PIK3R1: variants seen among roughly 807,000 people sequenced by gnomAD.
The protein encoded by PIK3R1 is phosphoinositide-3-kinase regulatory subunit 1.
A neutral mutation model predicts 98.0 loss-of-function variants in PIK3R1; 29 were observed. The observed-to-expected ratio is 0.30, with a 90% CI of 0.22 to 0.40. PIK3R1 has a LOEUF of 0.40. PIK3R1 is among the 10% of genes least tolerant of loss of function. The pLI is 1.00. For missense variants in PIK3R1, 596 were observed against 872.7 expected (o/e 0.68, Z 3.99); for synonymous variants, 282 against 311.8 (o/e 0.90, Z 1.01).
rs560646760 is a variant in PIK3R1 at position 68,237,036 on chromosome 5, A to G, written c.334+10027A>G. On this transcript the variant is annotated intron_variant, in intron 2 of 15. Transcript: ENST00000521381. ...TTACCTTCGTTTCTGTTGTTTTTGA[A>G]GAAGTTAAATGTCTGCTTTAAATGT... Among the ~76,000 whole-genome samples, 10 of 152,372 alleles carry G rather than the reference A, an allele frequency of 6.6e-5. No individual in the cohort carries two copies. In the East Asian group the frequency reaches 1.5e-3, roughly 23 times the overall value.
At position 68,234,673 on chromosome 5, in the gene PIK3R1, C is replaced by T. The variant is rs544155548; in HGVS notation, c.334+7664C>T. Among the ~76,000 whole-genome samples, 3 of 152,210 alleles carry T rather than the reference C, an allele frequency of 2.0e-5. No homozygotes were observed. The South Asian group carries it at 6.2e-4, about 32-fold the overall frequency. Reference sequence around the variant, plus strand: ...TGTGCAGTAGCGCTAAACTCGTTGACATGATCTGTACTGAGAGTTCCTACA... The same window carrying T: ...TGTGCAGTAGCGCTAAACTCGTTGATATGATCTGTACTGAGAGTTCCTACA... On this transcript the variant is annotated intron_variant, in intron 2 of 15. Transcript: ENST00000521381.
chr5:68,225,454 A>G (rs1354259796), intron 1 of PIK3R1, among the ~76,000 whole-genome samples: 1 of 152,098 alleles, frequency 6.6e-6, no homozygotes, highest in East Asian at 1.9e-4. Flanking sequence ...ATAGTGCTCC[A>G]AACTCTCATT....
intron 4 of PIK3R1, among the ~76,000 whole-genome samples, chr5:68,276,614 G>C (rs1746580788): frequency 6.6e-6 from 1 of 152,222 alleles, no homozygotes; most frequent in African/African-American, 2.4e-5. Context: ...ATAGCTAATG[G>C]AAGAGCACGT....
Position 68,260,735 on chromosome 5 carries a change from T to C in PIK3R1, c.335-12655T>C, listed in dbSNP as rs115997266. On this transcript the variant is annotated intron_variant, in intron 2 of 15. Transcript: ENST00000521381. ...GGCAGTGACAGTTCACCTCTCTCTCTTCATATTGCTCTCAATTTCATGATC... is the reference window on the plus strand; with the variant it reads ...GGCAGTGACAGTTCACCTCTCTCTCCTCATATTGCTCTCAATTTCATGATC... Among the ~76,000 whole-genome samples the C allele has an allele frequency of 7.2e-4, 109 of 152,290 alleles. 1 individual carries two copies. The highest frequency in any genetic ancestry group is 2.6e-3 in the African/African-American group (108 of 41,582).
chr5:68,269,441 C>G (rs895049610), intron 2 of PIK3R1, among the ~76,000 whole-genome samples: 1 of 152,176 alleles, frequency 6.6e-6, no homozygotes, highest in African/African-American at 2.4e-5. Flanking sequence ...TTGCTCCATA[C>G]CCCACCCTAT....
intron 2 of PIK3R1, among the ~76,000 whole-genome samples, chr5:68,263,354 A>G (rs1199170143): frequency 6.6e-6 from 1 of 151,068 alleles, no homozygotes; most frequent in East Asian, 1.9e-4. Context: ...ACAAATAACT[A>G]TAGTACTATT....
chr5:68,247,740 ACT>A (rs1024512306), intron 2 of PIK3R1, among the ~76,000 whole-genome samples: 3 of 151,494 alleles, frequency 2.0e-5, no homozygotes, highest in Non-Finnish European at 2.9e-5. Flanking sequence ...CATTTTTCTA[ACT>A]CTGTTGTTAG....
At chr5:68,242,027 T>G (rs1744890483) in intron 2 of PIK3R1, among the ~76,000 whole-genome samples, 1 of 152,214 alleles carries the variant, frequency 6.6e-6, no homozygotes, top group Non-Finnish European at 1.5e-5. Flanking sequence ...TTGGATAAAA[T>G]GCATCAACTT....
At chr5:68,256,696 C>T (rs761849879) in intron 2 of PIK3R1, among the ~76,000 whole-genome samples, 1 of 151,614 alleles carries the variant, frequency 6.6e-6, no homozygotes, top group Non-Finnish European at 1.5e-5. Flanking sequence ...TATGTAGTCT[C>T]ATGGATTGAG....
At chr5:68,252,868 C>G (rs1193914584) in intron 2 of PIK3R1, among the ~76,000 whole-genome samples, 2 of 152,300 alleles carry the variant, frequency 1.3e-5, no homozygotes, top group South Asian at 4.1e-4. Context: ...TGGCAATTGG[C>G]TATACGGCAT....
At position 68,300,464 on chromosome 5, in the gene PIK3R1, CTAAAGA is replaced by C. The variant is rs1747978181; in HGVS notation, c.*2869_*2874del. On this transcript the variant is annotated 3_prime_UTR_variant, in exon 16 of 16. Coordinates refer to ENST00000521381, the MANE Select transcript of PIK3R1 (RefSeq NM_181523.3). ...AGTTTTTCCCACCCAGTGTAGCATC[CTAAAGA>C]TAAAGCCAGAAGCTAAGCTGCAGTG... The C allele has an allele frequency of 4.3e-6, 1 of 233,000 alleles. No homozygotes were observed. The highest frequency in any genetic ancestry group is 2.2e-5 in the African/African-American group (1 of 45,312). 14.4% of individuals were successfully genotyped at this position (233,000 alleles called of 1,614,324 possible). A position where few individuals can be genotyped will look rare whatever the true frequency, so the allele number is the denominator to read the frequency against.
chr5:68,262,859 A>G lies in PIK3R1; in HGVS notation c.335-10531A>G, dbSNP rs541775265. 1.0e-4 allele frequency among the ~76,000 whole-genome samples: 10 copies of G among 99,572 alleles called. 2 individuals are homozygous for G. The highest frequency in any genetic ancestry group is 3.0e-4 in the East Asian group (1 of 3,300). 65.3% of individuals were successfully genotyped at this position (99,572 alleles called of 152,430 possible). A position where few individuals can be genotyped will look rare whatever the true frequency, so the allele number is the denominator to read the frequency against. Reference sequence around the variant, plus strand: ...TGTATACATGTAGATACATGTAGATACATGTATACATGTAGATACATGTAG... The same window carrying G: ...TGTATACATGTAGATACATGTAGATGCATGTATACATGTAGATACATGTAG... On this transcript the variant is annotated intron_variant, in intron 2 of 15. Transcript: ENST00000521381.
At chr5:68,275,680 T>G (rs1242643400) in intron 4 of PIK3R1, among the ~76,000 whole-genome samples, 1 of 152,086 alleles carries the variant, frequency 6.6e-6, no homozygotes, top group African/African-American at 2.4e-5. Context: ...AAAGTGAAAT[T>G]TGTGCCCCAC....
intron 1 of PIK3R1, among the ~76,000 whole-genome samples, chr5:68,221,089 C>G (rs1376443162): frequency 6.6e-6 from 1 of 152,186 alleles, no homozygotes; most frequent in Non-Finnish European, 1.5e-5. Flanking sequence ...TTGGCCCTGT[C>G]TTGCTGTCTT....
chr5:68,233,450 A>G (rs1269924531), intron 2 of PIK3R1, among the ~76,000 whole-genome samples: 4 of 152,252 alleles, frequency 2.6e-5, no homozygotes, highest in Non-Finnish European at 4.4e-5. Flanking sequence ...TAGGCTTTCA[A>G]TAGAGGAGGA....
chr5:68,274,524 C>A (rs1746494502), intron 4 of PIK3R1, among the ~76,000 whole-genome samples: 1 of 151,974 alleles, frequency 6.6e-6, no homozygotes, highest in Admixed American at 6.6e-5. Flanking sequence ...CATTAAGTAA[C>A]ATCACGATAT....
chr5:68,284,502 C>T (rs1176410236), intron 7 of PIK3R1, among the ~76,000 whole-genome samples: 1 of 152,238 alleles, frequency 6.6e-6, no homozygotes, highest in African/African-American at 2.4e-5. Context: ...GGTGCCTTTG[C>T]ACAGTGCACA....
chr5:68,262,872 TAG>T lies in PIK3R1; in HGVS notation c.335-10516_335-10515del, dbSNP rs1210459960. Among the ~76,000 whole-genome samples, 46 of 97,052 alleles carry T rather than the reference TAG, an allele frequency of 4.7e-4. 3 individuals are homozygous for T. The highest frequency in any genetic ancestry group is 7.5e-4 in the Admixed American group (8 of 10,726). 63.7% of individuals were successfully genotyped at this position (97,052 alleles called of 152,430 possible). A position where few individuals can be genotyped will look rare whatever the true frequency, so the allele number is the denominator to read the frequency against. On this transcript the variant is annotated intron_variant, in intron 2 of 15. Coordinates refer to ENST00000521381, the MANE Select transcript of PIK3R1 (RefSeq NM_181523.3). The stretch of plus-strand genomic sequence containing the variant: ...ATACATGTAGATACATGTATACATG[TAG>T]ATACATGTAGATACATGTATACATA...
rs1372679358 is a variant in PIK3R1, at chr5:68,288,588, C to T, written c.917-3671C>T. The T allele has an allele frequency of 4.6e-6, 7 of 1,535,640 alleles. No homozygotes were observed. In the African/African-American group the frequency reaches 5.5e-5, roughly 12 times the overall value. ...TCCTGGCGGCGCCCCCGCTCCTGCGCGCACTCTCGGCGCCGGACACGAGCA... is the reference window on the plus strand; with the variant it reads ...TCCTGGCGGCGCCCCCGCTCCTGCGTGCACTCTCGGCGCCGGACACGAGCA... On this transcript the variant is annotated intron_variant, in intron 7 of 15. Coordinates refer to ENST00000521381, the MANE Select transcript of PIK3R1 (RefSeq NM_181523.3).
Sources: allele counts gnomAD v4.1 joint callset (sites outside exome capture counted in the v4.1 genomes callset), GRCh38; gene constraint gnomAD v4.1.1; transcripts MANE v1.5; gene names NCBI Gene and HGNC (gene_info 2026-07-23, HGNC 2026-07-21).